Variants in HOMER2 observed in about 807,000 individuals in gnomAD.
HOMER2 encodes homer protein homolog 2.
Under a neutral mutation model 47.0 loss-of-function variants are expected in HOMER2, and 27 were observed. That is an observed-to-expected ratio of 0.57 (90% CI 0.42 to 0.79). The LOEUF is 0.79. Ranked by LOEUF, HOMER2 falls within the 30% of genes least tolerant of loss-of-function variation. The pLI is 0.00. For synonymous variants in HOMER2, 161 were observed against 163.8 expected (o/e 0.98, Z 0.13); for missense variants, 443 against 435.0 (o/e 1.02, Z -0.16).
intron 2 of HOMER2, among the ~76,000 whole-genome samples, chr15:82,882,881 CTT>C (rs757073475): frequency 0.035 from 947 of 27,034 alleles, 39 homozygotes; most frequent in African/African-American, 0.049. Flanking sequence ...CCAGCCACTG[CTT>C]TTTTTTTTTT....
At chr15:82,949,978 G>C (rs1430818976) in intron 1 of HOMER2, among the ~76,000 whole-genome samples, 1 of 152,138 alleles carries the variant, frequency 6.6e-6, no homozygotes, top group Admixed American at 6.5e-5. Context: ...TGAAAAGATG[G>C]GAGGAGGAAG....
intron 1 of HOMER2, among the ~76,000 whole-genome samples, chr15:82,928,940 T>TAAAAAAAGAAAAAAAAAAAAAAAA (rs2053926131): frequency 2.5e-5 from 1 of 39,942 alleles, no homozygotes; most frequent in Admixed American, 3.9e-4. Context: ...AAATAAAAAC[T>TAAAAAAAGAAAAAAAAAAAAAAAA]AAAAAAAAAA....
intron 1 of HOMER2, among the ~76,000 whole-genome samples, chr15:82,895,291 A>G (rs1192596280): frequency 6.6e-6 from 1 of 151,962 alleles, no homozygotes; most frequent in Non-Finnish European, 1.5e-5. Context: ...ATGCTAAACC[A>G]ACACCCTTCC....
chr15:82,924,360 CTTTTTT>C (rs11318640), intron 1 of HOMER2, among the ~76,000 whole-genome samples: 1 of 127,624 alleles, frequency 7.8e-6, no homozygotes, highest in South Asian at 2.5e-4. Flanking sequence ...TGTGCTGGCC[CTTTTTT>C]TTTTTTTTTT....
chr15:82,959,712 G>A (rs549718691), intron 1 of HOMER2, among the ~76,000 whole-genome samples: 1 of 152,130 alleles, frequency 6.6e-6, no homozygotes, highest in Non-Finnish European at 1.5e-5. Context: ...ATTCCGATGC[G>A]CAGCCAGGGT....
rs548191981 is a variant in HOMER2, at chr15:82,939,537, G to A, written c.5+12994C>T. On this transcript the variant is annotated intron_variant, in intron 1 of 8. Coordinates refer to ENST00000450735, the MANE Select transcript of HOMER2 (RefSeq NM_004839.4). ...CAAAAAAAATTAGCCAGGTGTCGTG[G>A]TGCAAACCTGTAGTCCCAACTACTT... is the stretch of plus-strand genomic sequence containing the variant. 6.8e-4 allele frequency among the ~76,000 whole-genome samples: 103 copies of A among 152,286 alleles called. 1 individual carries two copies. The highest frequency in any genetic ancestry group is 2.3e-3 in the African/African-American group (96 of 41,556).
chr15:82,853,511 C>T (rs2051467094), intron 6 of HOMER2, among the ~76,000 whole-genome samples: 1 of 152,130 alleles, frequency 6.6e-6, no homozygotes, highest in Non-Finnish European at 1.5e-5. Context: ...GATGCAGGGG[C>T]CCTCCAGGTC....
At chr15:82,935,559 T>C (rs2054123711) in intron 1 of HOMER2, among the ~76,000 whole-genome samples, 1 of 151,998 alleles carries the variant, frequency 6.6e-6, no homozygotes, top group African/African-American at 2.4e-5. Flanking sequence ...CCTCCCCAGC[T>C]CCACCTCCAC....
At chr15:82,985,164 C>T (rs1255013464) in intron 1 of HOMER2, among the ~76,000 whole-genome samples, 1 of 152,190 alleles carries the variant, frequency 6.6e-6, no homozygotes, top group African/African-American at 2.4e-5. Flanking sequence ...ACGTACTTCA[C>T]AGGGTCTGGT....
chr15:82,856,560 AG>A (rs1208381594), intron 5 of HOMER2, among the ~76,000 whole-genome samples: 3 of 152,160 alleles, frequency 2.0e-5, no homozygotes, highest in Non-Finnish European at 4.4e-5. Flanking sequence ...TCAAGGCTGT[AG>A]TAAGCTATGA....
At chr15:82,922,181 A>G (rs966214049) in intron 1 of HOMER2, among the ~76,000 whole-genome samples, 3 of 152,116 alleles carry the variant, frequency 2.0e-5, no homozygotes, top group Admixed American at 2.0e-4. Flanking sequence ...ACACTGAAAG[A>G]CCTTCCTTGT....
chr15:82,871,107 G>A (rs976725767), intron 3 of HOMER2, among the ~76,000 whole-genome samples: 1 of 152,138 alleles, frequency 6.6e-6, no homozygotes, highest in Non-Finnish European at 1.5e-5. Flanking sequence ...CTCTCCAGTG[G>A]GTGGACAGAC....
At chr15:82,907,993 A>G (rs1452798500) in intron 1 of HOMER2, among the ~76,000 whole-genome samples, 1 of 152,230 alleles carries the variant, frequency 6.6e-6, no homozygotes, top group Non-Finnish European at 1.5e-5. Context: ...GAAAGAAGGC[A>G]GTCACAAAAT....
intron 2 of HOMER2, among the ~76,000 whole-genome samples, chr15:82,891,771 G>A (rs1365613274): frequency 1.3e-5 from 2 of 152,126 alleles, no homozygotes; most frequent in Non-Finnish European, 2.9e-5. Context: ...GGCACGAGTG[G>A]GTGACACTTC....
chr15:82,963,526 A>G (rs2054648966), intron 1 of HOMER2, among the ~76,000 whole-genome samples: 1 of 152,222 alleles, frequency 6.6e-6, no homozygotes, highest in Non-Finnish European at 1.5e-5. Flanking sequence ...AGCAACTAGA[A>G]AGAACAGTGT....
intron 1 of HOMER2, among the ~76,000 whole-genome samples, chr15:82,894,933 A>C (rs1198741088): frequency 6.6e-6 from 1 of 152,202 alleles, no homozygotes; most frequent in Admixed American, 6.5e-5. Context: ...AATACTCATT[A>C]TTAAAATTTT....
downstream of HOMER2, chr15:82,845,066 CAAACA>C (rs2051220679): frequency 6.6e-6 from 1 of 152,224 alleles, no homozygotes; most frequent in Non-Finnish European, 1.5e-5. Context: ...AATTCCACTT[CAAACA>C]AAAGATCCAC....
chr15:82,977,741 G>C, intron 1 of HOMER2, among the ~76,000 whole-genome samples: 1 of 152,206 alleles, frequency 6.6e-6, no homozygotes, highest in East Asian at 1.9e-4. Flanking sequence ...ATGGTTATCT[G>C]ATAAAAGGGA....
At chr15:82,931,175 C>A (rs1309298564) in intron 1 of HOMER2, among the ~76,000 whole-genome samples, 1 of 151,884 alleles carries the variant, frequency 6.6e-6, no homozygotes, top group Non-Finnish European at 1.5e-5. Flanking sequence ...CAGGGTTATG[C>A]CAATTTCACC....
Sources: gnomAD v4.1 joint callset for allele counts (sites outside exome capture counted in the v4.1 genomes callset) on GRCh38, gnomAD v4.1.1 for gene constraint, MANE v1.5 for transcripts, NCBI Gene and HGNC (gene_info 2026-07-23, HGNC 2026-07-21) for gene names.